Variants in VWA3A observed in about 807,000 individuals in gnomAD.
The protein encoded by VWA3A is von Willebrand factor A domain-containing protein 3A.
Under a neutral mutation model 160.4 loss-of-function variants are expected in VWA3A, and 134 were observed. The observed-to-expected ratio is 0.84, with a 90% CI of 0.73 to 0.96. The LOEUF is 0.96. Among genes scored for constraint, VWA3A ranks in the 40% least tolerant of loss-of-function variants. The pLI, the probability that VWA3A is intolerant of heterozygous loss-of-function variation, is 0.00. For synonymous variants in VWA3A, 476 were observed against 543.4 expected (o/e 0.88, Z 1.72); for missense variants, 1,310 against 1,447.9 (o/e 0.90, Z 1.55).
At chr16:22,112,928 A>T (rs2045572252) in intron 8 of VWA3A, among the ~76,000 whole-genome samples, 1 of 152,196 alleles carries the variant, frequency 6.6e-6, no homozygotes, top group Non-Finnish European at 1.5e-5. Context: ...AACAAGGCCA[A>T]TCCTACCCAC....
intron 28 of VWA3A, among the ~76,000 whole-genome samples, chr16:22,148,693 C>T (rs1275769853): frequency 6.6e-6 from 1 of 152,072 alleles, no homozygotes; most frequent in Non-Finnish European, 1.5e-5. Flanking sequence ...ATCACTTGAG[C>T]CCAGGAGGTT....
intron 31 of VWA3A, among the ~76,000 whole-genome samples, chr16:22,153,337 C>T (rs952962563): frequency 3.9e-5 from 6 of 152,100 alleles, no homozygotes; most frequent in Non-Finnish European, 8.8e-5. Context: ...AGCAAGACTC[C>T]GTCTCAAAAC....
chr16:22,116,090 AAG>A (rs1336233171), intron 9 of VWA3A, among the ~76,000 whole-genome samples: 1 of 151,268 alleles, frequency 6.6e-6, no homozygotes, highest in Non-Finnish European at 1.5e-5. Context: ...GGCAGAAAGA[AAG>A]AGAGAAAGAA....
Position 22,103,510 on chromosome 16 carries a change from T to C in VWA3A, c.464T>C (p.Leu155Pro). 1 of 1,551,922 alleles carries C rather than the reference T, an allele frequency of 6.4e-7. No homozygotes were observed. Among genetic ancestry groups the C allele is most frequent in the Non-Finnish European group, 8.7e-7 (1 of 1,147,014 alleles). ...GTCTATCAAGAGAGAATTCAGTGGC[T>C]CACAGAAAACAGCAAGAAGGTAACG... ...IEVYQERIQW[L>P]TENSKKAFGL... is the part of the protein sequence containing the mutation. The change falls in exon 6 of 34, where the codon CTC becomes CCC. Residue 155 changes from leucine (L) to proline (P), a missense_variant. Transcript: ENST00000389398.
chr16:22,121,252 C>A, intron 13 of VWA3A, 149 bp downstream of exon 13: 1 of 1,190,334 alleles, frequency 8.4e-7, no homozygotes, highest in Non-Finnish European at 1.2e-6. Flanking sequence ...ATGAGACCAA[C>A]CTAGGCAACA....
At chr16:22,150,580 T>A in intron 29 of VWA3A, 115 bp from the exon 30 acceptor site, 2 of 1,270,642 alleles carry the variant, frequency 1.6e-6, no homozygotes, top group South Asian at 3.1e-5. Context: ...GTCAGTGGCA[T>A]CCAATCAGAT....
rs751355756 is a variant in VWA3A, at chr16:22,140,185, GC to G, written c.2330del (p.Pro777ArgfsTer2). 11 of 1,613,690 alleles carry G rather than the reference GC, an allele frequency of 6.8e-6. No individual in the cohort carries two copies. The highest frequency in any genetic ancestry group is 9.3e-6 in the Non-Finnish European group (11 of 1,179,776). Reference sequence around the variant, plus strand: ...AAAGATGACCCTGACAGAGAGAAGAGCCCCCCGCTGAAATCTCTGAAATGGC... The same window carrying G: ...AAAGATGACCCTGACAGAGAGAAGAGCCCCCGCTGAAATCTCTGAAATGGC... ...SIKDDPDREK[S>X]PPLKSLKWRP... On this transcript the variant is annotated frameshift_variant, in exon 23 of 34. Transcript: ENST00000389398. LOFTEE classifies it high-confidence loss of function.
chr16:22,131,731 T>C lies in VWA3A; in HGVS notation c.1872+2T>C, dbSNP rs770351123. On this transcript the variant is annotated splice_donor_variant, in intron 19 of 33. Transcript: ENST00000389398. LOFTEE classifies it high-confidence loss of function. The stretch of plus-strand genomic sequence containing the variant: ...GGGGGCATCCCCGACCAGGACATGG[T>C]GGGTAGGCCACGTCCTGGGTGTCCA... 5.6e-6 allele frequency: 9 copies of C among 1,612,652 alleles called. No individual in the cohort carries two copies. Among genetic ancestry groups the C allele is most frequent in the Non-Finnish European group, 6.8e-6 (8 of 1,179,162 alleles).
At chr16:22,119,849 C>G (rs2045703844) in intron 12 of VWA3A, among the ~76,000 whole-genome samples, 1 of 151,908 alleles carries the variant, frequency 6.6e-6, no homozygotes, top group African/African-American at 2.4e-5. Flanking sequence ...GAAACCTCGT[C>G]TCTACTAAAA....
In VWA3A at chr16:22,156,768, A is replaced by G. The variant is rs1369564985; in HGVS notation, c.*751A>G. 6.6e-6 allele frequency: 1 copy of G among 152,192 alleles called. No homozygotes were observed. The highest frequency in any genetic ancestry group is 2.4e-5 in the African/African-American group (1 of 41,454). The allele number at this position is 152,192 out of a possible 1,614,324, so 9.4% of individuals were successfully genotyped here. ...CAGCACCACCCTCCATCCCTGCCCA[A>G]CCAAACTGAAGTGAAGGCTGCTCAT... On this transcript the variant is annotated 3_prime_UTR_variant, in exon 34 of 34. Coordinates refer to ENST00000389398, the MANE Select transcript of VWA3A (RefSeq NM_173615.5).
chr16:22,146,378 G>A, intron 27 of VWA3A, 34 bp downstream of exon 27: 2 of 1,587,914 alleles, frequency 1.3e-6, no homozygotes, highest in East Asian at 2.2e-5. Context: ...GGGTGGAGGA[G>A]CATGAGGGGA....
intron 19 of VWA3A, among the ~76,000 whole-genome samples, chr16:22,132,315 G>T (rs903594709): frequency 7.2e-5 from 11 of 151,824 alleles, no homozygotes; most frequent in African/African-American, 2.7e-4. Context: ...CCTGGAGGGG[G>T]AGGTTGCGGT....
rs1598119115 is a variant in VWA3A at position 22,155,797 on chromosome 16, G to A, written c.3504-54G>A. The A allele has an allele frequency of 2.4e-5, 38 of 1,612,440 alleles. No individual in the cohort carries two copies. In the East Asian group the frequency reaches 8.2e-4, roughly 35 times the overall value. On this transcript the variant is annotated intron_variant, in intron 32 of 33. Coordinates refer to ENST00000389398, the MANE Select transcript of VWA3A (RefSeq NM_173615.5). ...GTTCCTGCCCTGCTTCTCCCAGCCA[G>A]CCCAGAAATCTGGGCACCAGGGAGA...
Position 22,152,502 on chromosome 16 carries a change from T to A in VWA3A, c.3282-9T>A. Reference sequence around the variant, plus strand: ...GCCTTCCCACCAGCCCTCTGTCCCTTCCTTCCAGAGCGGCGGTTGAGTTCC... The same window carrying A: ...GCCTTCCCACCAGCCCTCTGTCCCTACCTTCCAGAGCGGCGGTTGAGTTCC... On this transcript the variant is annotated splice_polypyrimidine_tract_variant and intron_variant, in intron 30 of 33. Coordinates refer to ENST00000389398, the MANE Select transcript of VWA3A (RefSeq NM_173615.5). The A allele has an allele frequency of 6.2e-7, 1 of 1,612,594 alleles. No homozygotes were observed. Among genetic ancestry groups the A allele is most frequent in the Non-Finnish European group, 8.5e-7 (1 of 1,179,466 alleles).
chr16:22,143,797 G>C (rs964922513), intron 25 of VWA3A, among the ~76,000 whole-genome samples: 3 of 150,772 alleles, frequency 2.0e-5, no homozygotes, highest in East Asian at 3.9e-4. Context: ...GCCCAGGCTG[G>C]AGTGCAGTAG....
At chr16:22,098,072 G>A (rs543194342) in intron 3 of VWA3A, among the ~76,000 whole-genome samples, 63 of 152,228 alleles carry the variant, frequency 4.1e-4, no homozygotes, top group African/African-American at 1.4e-3. Context: ...GGACAAATGG[G>A]GTATGATAGG....
intron 8 of VWA3A, 91 bp from the exon 9 acceptor site, chr16:22,115,256 A>G: frequency 7.1e-7 from 1 of 1,399,338 alleles, no homozygotes; most frequent in South Asian, 1.5e-5. Context: ...AGCCTGGGTA[A>G]CACAGCAAGC....
At chr16:22,118,816 T>C in intron 11 of VWA3A, 86 bp from the exon 12 acceptor site, 4 of 1,563,064 alleles carry the variant, frequency 2.6e-6, no homozygotes, top group Non-Finnish European at 3.5e-6. Flanking sequence ...TGCCTGGGCA[T>C]TGGCCTGGCT....
intron 27 of VWA3A, chr16:22,147,454 G>T (rs926193244): frequency 4.6e-6 from 3 of 646,632 alleles, no homozygotes; most frequent in African/African-American, 3.6e-5. Context: ...AGGGGATTCG[G>T]GCTATGGGGC....
Sources: gnomAD v4.1 joint callset for allele counts (sites outside exome capture counted in the v4.1 genomes callset) on GRCh38, gnomAD v4.1.1 for gene constraint, MANE v1.5 for transcripts, NCBI Gene and HGNC (gene_info 2026-07-23, HGNC 2026-07-21) for gene names.